SOCS2: variants seen among roughly 807,000 people sequenced by gnomAD.
The protein encoded by SOCS2 is CIS-2.
SOCS2 carries 10 observed loss-of-function variants against 18.6 expected under a neutral mutation model. The observed-to-expected ratio is 0.54, with a 90% CI of 0.33 to 0.91. The LOEUF is 0.91. SOCS2 is among the 40% of genes least tolerant of loss of function. The probability of loss-of-function intolerance (pLI) is 0.02; values close to 1 mark genes in which losing one functional copy is unlikely to be tolerated. For missense variants in SOCS2, 231 were observed against 247.2 expected (o/e 0.93, Z 0.44); for synonymous variants, 104 against 104.0 (o/e 1.00, Z 0.00).
chr12:93,588,556 G>A, the SOCS2 span, among the ~76,000 whole-genome samples: 44,246 of 151,658 alleles, frequency 0.29, 7,207 homozygotes, highest in African/African-American at 0.45. Flanking sequence ...CTAAGGCAGC[G>A]ATGGGGAGAA....
chr12:93,615,552 A>G, the SOCS2 span, among the ~76,000 whole-genome samples: 2 of 152,262 alleles, frequency 1.3e-5, no homozygotes, highest in African/African-American at 4.8e-5. Flanking sequence ...AAAACAGCAT[A>G]TAATTTACAA....
intron 1 of SOCS2, chr12:93,573,684 C>G (rs1444335688): frequency 6.5e-6 from 1 of 152,814 alleles, no homozygotes; most frequent in Non-Finnish European, 1.5e-5. Context: ...ATCATTCTGG[C>G]TTTCCAAATC....
At chr12:93,616,997 A>G in the SOCS2 span, among the ~76,000 whole-genome samples, 1 of 152,232 alleles carries the variant, frequency 6.6e-6, no homozygotes, top group East Asian at 1.9e-4. Context: ...AGGCTACAGA[A>G]GAGTCACAGC....
At chr12:93,625,980 A>G in the SOCS2 span, among the ~76,000 whole-genome samples, 1 of 152,074 alleles carries the variant, frequency 6.6e-6, no homozygotes, top group African/African-American at 2.4e-5. Flanking sequence ...GTGCTCAGTA[A>G]CCATGAGAAA....
the SOCS2 span, among the ~76,000 whole-genome samples, chr12:93,616,546 T>C: frequency 6.6e-6 from 1 of 152,218 alleles, no homozygotes; most frequent in African/African-American, 2.4e-5. Context: ...AGCAGGCTTC[T>C]TAACTTTCAA....
At chr12:93,614,636 G>T in the SOCS2 span, among the ~76,000 whole-genome samples, 7 of 89,714 alleles carry the variant, frequency 7.8e-5, no homozygotes, top group Non-Finnish European at 1.1e-4. Flanking sequence ...TCTTTCTTTT[G>T]ATGGAGTCTG....
At chr12:93,620,401 A>G in the SOCS2 span, among the ~76,000 whole-genome samples, 1 of 151,724 alleles carries the variant, frequency 6.6e-6, no homozygotes, top group Non-Finnish European at 1.5e-5. Flanking sequence ...GTTTGGAGCT[A>G]CATTTCTTTT....
At chr12:93,571,962 C>T (rs1437037983), upstream of SOCS2, 1 of 323,544 alleles carries the variant, frequency 3.1e-6, no homozygotes, top group Admixed American at 3.8e-5. Flanking sequence ...CGCTCGCGAC[C>T]GCCCGCTCGG....
chr12:93,615,987 C>T, the SOCS2 span, among the ~76,000 whole-genome samples: 2 of 152,212 alleles, frequency 1.3e-5, no homozygotes, highest in African/African-American at 4.8e-5. Context: ...AAAGATTTGT[C>T]CAAGCTCTCA....
the SOCS2 span, among the ~76,000 whole-genome samples, chr12:93,597,094 G>A: frequency 6.6e-6 from 1 of 152,148 alleles, no homozygotes; most frequent in Admixed American, 6.5e-5. Context: ...CCAGTGGTTG[G>A]CTACATCTTT....
chr12:93,573,753 GGA>G (rs1954353941), intron 1 of SOCS2: 1 of 152,238 alleles, frequency 6.6e-6, no homozygotes, highest in Non-Finnish European at 1.5e-5. Context: ...ACAGGGGGAG[GGA>G]GAGGGAAAAG....
chr12:93,591,892 A>T, the SOCS2 span, among the ~76,000 whole-genome samples: 35 of 152,310 alleles, frequency 2.3e-4, no homozygotes, highest in African/African-American at 7.9e-4. Flanking sequence ...TAGACCGTAT[A>T]TGAGAATGTG....
chr12:93,585,226 G>A (rs367700135), downstream of SOCS2, among the ~76,000 whole-genome samples: 31 of 151,934 alleles, frequency 2.0e-4, no homozygotes, highest in East Asian at 3.3e-3. Context: ...CCAAACTCTC[G>A]GTGGCTTAAA....
rs1456219139 is a variant in SOCS2 at position 93,582,447 on chromosome 12, G to A, written c.117-576G>A. On this transcript the variant is annotated intron_variant, in intron 1 of 1. Transcript: ENST00000549510. ...AAATGGCTTGGAACAAAGCAAGGGC[G>A]GAGAGAGGGAGACCGGTTAAGTGTT... 2.6e-5 allele frequency among the ~76,000 whole-genome samples: 4 copies of A among 152,230 alleles called. No individual in the cohort carries two copies. In the East Asian group the frequency reaches 5.8e-4, roughly 22 times the overall value.
downstream of SOCS2, among the ~76,000 whole-genome samples, chr12:93,585,114 C>G (rs527802810): frequency 8.7e-4 from 133 of 152,038 alleles, no homozygotes; most frequent in Non-Finnish European, 1.4e-3. Context: ...GCAACCATAA[C>G]CCACAAGCTC....
downstream of SOCS2, among the ~76,000 whole-genome samples, chr12:93,577,007 T>C (rs1371461639): frequency 6.6e-6 from 1 of 152,228 alleles, no homozygotes; most frequent in Non-Finnish European, 1.5e-5. Flanking sequence ...TGTTTAGTGT[T>C]GGATGTTTGA....
downstream of SOCS2, among the ~76,000 whole-genome samples, chr12:93,579,914 A>C (rs1031939077): frequency 2.0e-5 from 3 of 152,222 alleles, no homozygotes; most frequent in Admixed American, 6.5e-5. Context: ...CTGCTTTTAC[A>C]GACAACTCTC....
At chr12:93,571,840 C>A (rs1291725810), upstream of SOCS2, 3 of 406,980 alleles carry the variant, frequency 7.4e-6, no homozygotes, top group Admixed American at 6.2e-5. Flanking sequence ...CTTTTCCCCC[C>A]ACCCCCCCGC....
chr12:93,615,894 C>T, the SOCS2 span, among the ~76,000 whole-genome samples: 2 of 152,182 alleles, frequency 1.3e-5, no homozygotes, highest in African/African-American at 4.8e-5. Flanking sequence ...CTGAGCCTGG[C>T]CTAGAGTGTG....
Sources: allele counts gnomAD v4.1 joint callset (sites outside exome capture counted in the v4.1 genomes callset), GRCh38; gene constraint gnomAD v4.1.1; transcripts MANE v1.5; gene names NCBI Gene and HGNC (gene_info 2026-07-23, HGNC 2026-07-21).